The following PTPRM variants were observed in gnomAD, a reference collection of about 807,000 sequenced individuals.
PTPRM encodes the protein receptor-type tyrosine-protein phosphatase mu.
PTPRM carries 47 observed loss-of-function variants against 186.7 expected under a neutral mutation model. The ratio of observed to expected loss-of-function variants is 0.25; its 90% CI spans 0.20 to 0.32. PTPRM has a LOEUF of 0.32. Among genes scored for constraint, PTPRM ranks in the 10% least tolerant of loss-of-function variants. The pLI, the probability that PTPRM is intolerant of heterozygous loss-of-function variation, is 1.00. For synonymous variants in PTPRM, 668 were observed against 674.9 expected, an observed-to-expected ratio of 0.99 and a Z score of 0.16; for missense variants, 1,494 against 1,865.0, an observed-to-expected ratio of 0.80 and a Z score of 3.66.
rs140605799 is a variant in PTPRM, at chr18:7,766,392, G to A, written c.74-7757G>A. On this transcript the variant is annotated intron_variant, in intron 1 of 32. Transcript: ENST00000580170. ...AAGAATAAAGGAATAGTGGATGTATGGAGCTGACGTTAGCCCAGGGGCAGA... is the reference window on the plus strand; with the variant it reads ...AAGAATAAAGGAATAGTGGATGTATAGAGCTGACGTTAGCCCAGGGGCAGA... Among the ~76,000 whole-genome samples the A allele has an allele frequency of 6.6e-3, 1,003 of 152,320 alleles. 14 individuals are homozygous for A. The highest frequency in any genetic ancestry group is 0.022 in the African/African-American group (918 of 41,568).
At position 8,380,281 on chromosome 18, in the gene PTPRM, T is replaced by C. The variant is rs2148508414; in HGVS notation, c.3787-15T>C. On this transcript the variant is annotated splice_polypyrimidine_tract_variant and intron_variant, in intron 28 of 32. Coordinates refer to ENST00000580170, the MANE Select transcript of PTPRM (RefSeq NM_001105244.2). ...TTCCTGAGTATATTTGGAGCATTCT[T>C]GTTTGTGTTTGCAGAGCTATAAACA... 2 of 1,612,022 alleles carry C rather than the reference T, an allele frequency of 1.2e-6. No homozygotes were observed. The highest frequency in any genetic ancestry group is 2.2e-5 in the East Asian group (1 of 44,882).
At chr18:8,126,925 A>T (rs775962356) in intron 13 of PTPRM, among the ~76,000 whole-genome samples, 1 of 152,134 alleles carries the variant, frequency 6.6e-6, no homozygotes, top group Non-Finnish European at 1.5e-5. Flanking sequence ...TGGGGTGAGC[A>T]GTAAGGTGAT....
At chr18:7,753,249 G>A (rs760080168) in intron 1 of PTPRM, among the ~76,000 whole-genome samples, 4 of 152,000 alleles carry the variant, frequency 2.6e-5, no homozygotes, top group Non-Finnish European at 4.4e-5. Context: ...ATGTGTGTCC[G>A]TATTGTTTTG....
intron 11 of PTPRM, 85 bp from the exon 12 acceptor site, chr18:8,113,401 T>G: frequency 8.0e-7 from 1 of 1,251,782 alleles, no homozygotes; most frequent in Non-Finnish European, 1.1e-6. Flanking sequence ...TTATTTTGCG[T>G]GTCCTGTGGG....
intron 7 of PTPRM, among the ~76,000 whole-genome samples, chr18:8,043,461 T>C (rs1419567808): frequency 6.6e-6 from 1 of 152,220 alleles, no homozygotes; most frequent in Non-Finnish European, 1.5e-5. Context: ...TATTTGGTCC[T>C]ATGGTAGTAT....
intron 1 of PTPRM, chr18:7,741,302 G>A (rs2040880106): frequency 6.6e-6 from 1 of 152,164 alleles, no homozygotes; most frequent in Admixed American, 6.5e-5. Flanking sequence ...AATGCAAGGT[G>A]GTAGGCGGCC....
chr18:8,363,331 A>G (rs1467335053), intron 23 of PTPRM, among the ~76,000 whole-genome samples: 1 of 152,236 alleles, frequency 6.6e-6, no homozygotes, highest in Non-Finnish European at 1.5e-5. Flanking sequence ...TCTTTGGCAC[A>G]TAAGGAAACT....
intron 14 of PTPRM, among the ~76,000 whole-genome samples, chr18:8,159,786 C>T (rs887816246): frequency 6.6e-6 from 1 of 151,900 alleles, no homozygotes; most frequent in Non-Finnish European, 1.5e-5. Flanking sequence ...TGGAGTATAC[C>T]GTCAGTAAAG....
At position 8,288,383 on chromosome 18, in the gene PTPRM, A is replaced by ATGTAGGTCTCTGTTATTAAAC. The variant is rs1373418802; in HGVS notation, c.2755-7981_2755-7961dup. Among the ~76,000 whole-genome samples the ATGTAGGTCTCTGTTATTAAAC allele has an allele frequency of 1.1e-4, 16 of 152,298 alleles. No homozygotes were observed. In the East Asian group the frequency reaches 1.2e-3, roughly 11 times the overall value. ...GGGGGAGCCCCAGGCATGGCTGAGG[A>ATGTAGGTCTCTGTTATTAAAC]TGTAGGTCTCTGTTATTAAACTGTT... On this transcript the variant is annotated intron_variant, in intron 19 of 32. Transcript: ENST00000580170.
chr18:8,238,276 C>T (rs1266245586), intron 14 of PTPRM, among the ~76,000 whole-genome samples: 1 of 152,052 alleles, frequency 6.6e-6, no homozygotes, highest in African/African-American at 2.4e-5. Context: ...GATATTCTGA[C>T]ATTTTGTGTG....
chr18:7,982,632 G>A (rs1452830450), intron 7 of PTPRM, among the ~76,000 whole-genome samples: 1 of 151,998 alleles, frequency 6.6e-6, no homozygotes, highest in African/African-American at 2.4e-5. Flanking sequence ...GCAAGTATTA[G>A]GTACTGTACA....
intron 1 of PTPRM, among the ~76,000 whole-genome samples, chr18:7,682,568 G>A (rs1399882305): frequency 1.3e-5 from 2 of 152,192 alleles, no homozygotes; most frequent in Non-Finnish European, 2.9e-5. Flanking sequence ...GTCTGCATTT[G>A]ATAGGAGAAA....
chr18:7,698,258 A>G (rs2039885906), intron 1 of PTPRM, among the ~76,000 whole-genome samples: 1 of 152,170 alleles, frequency 6.6e-6, no homozygotes, highest in Non-Finnish European at 1.5e-5. Context: ...CTGCTACTGA[A>G]TATCTAGCAA....
At chr18:8,253,111 G>C (rs1187074683) in intron 18 of PTPRM, 116 bp from the exon 19 acceptor site, 2 of 768,732 alleles carry the variant, frequency 2.6e-6, no homozygotes, top group Non-Finnish European at 3.7e-6. Flanking sequence ...AGCCATCGTA[G>C]GGAATTTTGC....
rs2054504768 is a variant in PTPRM, at chr18:7,971,143, A to T, written c.1132+15729A>T. On this transcript the variant is annotated intron_variant, in intron 7 of 32. Coordinates refer to ENST00000580170, the MANE Select transcript of PTPRM (RefSeq NM_001105244.2). ...ATCAATGGAACAGAACAGAGCCCTC[A>T]GAAATAACGCCGCATACCTACAACT... Among the ~76,000 whole-genome samples, 5 of 57,368 alleles carry T rather than the reference A, an allele frequency of 8.7e-5. 2 individuals are homozygous for T. Among genetic ancestry groups the T allele is most frequent in the Admixed American group, 8.6e-4 (5 of 5,798 alleles). 37.6% of individuals were successfully genotyped at this position (57,368 alleles called of 152,430 possible). A position where few individuals can be genotyped will look rare whatever the true frequency, so the allele number is the denominator to read the frequency against.
At chr18:7,582,907 A>G (rs2036883293) in intron 1 of PTPRM, among the ~76,000 whole-genome samples, 2 of 152,170 alleles carry the variant, frequency 1.3e-5, no homozygotes. Flanking sequence ...AGCCTCATTA[A>G]ACTTGAGTTC....
Position 8,279,601 on chromosome 18 carries a change from C to T in PTPRM, c.2755-16767C>T, listed in dbSNP as rs115363860. ...TGTTTTAATCAGCATATCACAGGTCCGTAGTCGTGAGACAGAACGTCTCCC... is the reference window on the plus strand; with the variant it reads ...TGTTTTAATCAGCATATCACAGGTCTGTAGTCGTGAGACAGAACGTCTCCC... On this transcript the variant is annotated intron_variant, in intron 19 of 32. Transcript: ENST00000580170. Among the ~76,000 whole-genome samples the T allele has an allele frequency of 8.7e-3, 1,329 of 152,278 alleles. 21 individuals are homozygous for T. The highest frequency in any genetic ancestry group is 0.031 in the African/African-American group (1,268 of 41,562).
chr18:8,157,758 T>C (rs2093152351), intron 14 of PTPRM, among the ~76,000 whole-genome samples: 1 of 152,210 alleles, frequency 6.6e-6, no homozygotes. Context: ...TTGGGGAACG[T>C]CCTCTAAACC....
intron 2 of PTPRM, among the ~76,000 whole-genome samples, chr18:7,871,474 C>T (rs1309264439): frequency 1.3e-5 from 2 of 152,182 alleles, no homozygotes; most frequent in African/African-American, 2.4e-5. Flanking sequence ...TACTTAATTA[C>T]ACAGTTGCTT....
Sources: gnomAD v4.1 joint callset for allele counts (sites outside exome capture counted in the v4.1 genomes callset) on GRCh38, gnomAD v4.1.1 for gene constraint, MANE v1.5 for transcripts, NCBI Gene and HGNC (gene_info 2026-07-23, HGNC 2026-07-21) for gene names.